MPP7: variants seen among roughly 807,000 people sequenced by gnomAD.
The protein encoded by MPP7 is MAGUK p55 subfamily member 7.
Under a neutral mutation model 76.5 loss-of-function variants are expected in MPP7, and 60 were observed. The ratio of observed to expected loss-of-function variants is 0.78; its 90% CI spans 0.64 to 0.97. The LOEUF is 0.97. MPP7 is among the 50% of genes least tolerant of loss of function. MPP7 has a pLI of 0.00. For synonymous variants in MPP7, 237 were observed against 244.5 expected, an observed-to-expected ratio of 0.97 and a Z score of 0.29; for missense variants, 641 against 694.0, an observed-to-expected ratio of 0.92 and a Z score of 0.86.
chr10:28,311,031 TC>T (rs1208775101), intron 2 of MPP7, among the ~76,000 whole-genome samples: 1 of 152,148 alleles, frequency 6.6e-6, no homozygotes, highest in Admixed American at 6.6e-5. Context: ...CACTATGGGA[TC>T]CCCAGTGGCT....
At chr10:28,178,911 A>G (rs1218230986) in intron 3 of MPP7, among the ~76,000 whole-genome samples, 1 of 152,238 alleles carries the variant, frequency 6.6e-6, no homozygotes, top group African/African-American at 2.4e-5. Flanking sequence ...AAGATTTTAA[A>G]GAGAAATGTA....
At chr10:28,217,557 G>T (rs1368222626) in intron 2 of MPP7, among the ~76,000 whole-genome samples, 1 of 147,090 alleles carries the variant, frequency 6.8e-6, no homozygotes, top group African/African-American at 2.5e-5. Flanking sequence ...GAAAAGAAAA[G>T]AAAAGAAAAA....
intron 2 of MPP7, among the ~76,000 whole-genome samples, chr10:28,318,445 C>A (rs1360351281): frequency 6.6e-6 from 1 of 152,092 alleles, no homozygotes; most frequent in East Asian, 1.9e-4. Context: ...CAACACTTTG[C>A]GAGGCCAAGG....
chr10:28,204,012 C>T (rs1837866800), intron 2 of MPP7, among the ~76,000 whole-genome samples: 1 of 152,150 alleles, frequency 6.6e-6, no homozygotes, highest in South Asian at 2.1e-4. Context: ...CATATCGTTA[C>T]AGAAAAAGCA....
rs1851444412 is a variant in MPP7, at chr10:28,053,855, A to C, written c.*210T>G. 1.7e-6 allele frequency: 1 copy of C among 579,638 alleles called. No homozygotes were observed. Among genetic ancestry groups the C allele is most frequent in the East Asian group, 2.9e-5 (1 of 34,360 alleles). 35.9% of individuals were successfully genotyped at this position (579,638 alleles called of 1,614,324 possible). ...AGGTTTGAGGTTTTGCTTAGAATAC[A>C]GTACTGTGCATATTTTGATTTCGGA... On this transcript the variant is annotated 3_prime_UTR_variant, in exon 17 of 17. Coordinates refer to ENST00000683449, the MANE Select transcript of MPP7 (RefSeq NM_001318170.2).
intron 5 of MPP7, among the ~76,000 whole-genome samples, chr10:28,146,727 A>C (rs1835722434): frequency 6.6e-6 from 1 of 152,290 alleles, no homozygotes; most frequent in South Asian, 2.1e-4. Context: ...TAATCATCAC[A>C]AGCTAAATGA....
At chr10:28,060,450 C>G (rs1422576912) in intron 13 of MPP7, among the ~76,000 whole-genome samples, 1 of 152,216 alleles carries the variant, frequency 6.6e-6, no homozygotes, top group Non-Finnish European at 1.5e-5. Context: ...ATCCTTCCTG[C>G]AGATCCCAAC....
At chr10:28,109,374 T>C (rs1055322830) in intron 11 of MPP7, among the ~76,000 whole-genome samples, 3 of 152,198 alleles carry the variant, frequency 2.0e-5, no homozygotes, top group African/African-American at 4.8e-5. Context: ...CACAATTAAC[T>C]AGGTAATTAG....
intron 1 of MPP7, among the ~76,000 whole-genome samples, chr10:28,289,970 C>T (rs1840875734): frequency 6.6e-6 from 1 of 152,148 alleles, no homozygotes. Context: ...AGGCATGTGC[C>T]ACCACGTCCA....
chr10:28,123,143 G>C (rs982803450), intron 8 of MPP7, among the ~76,000 whole-genome samples: 1 of 152,124 alleles, frequency 6.6e-6, no homozygotes, highest in African/African-American at 2.4e-5. Flanking sequence ...TATATACAGA[G>C]ATCTGTTTTT....
chr10:28,122,951 T>C (rs1834891282), intron 8 of MPP7, among the ~76,000 whole-genome samples: 1 of 151,278 alleles, frequency 6.6e-6, no homozygotes, highest in African/African-American at 2.5e-5. Flanking sequence ...ATATTACCTT[T>C]TATTGTGCAA....
intron 11 of MPP7, among the ~76,000 whole-genome samples, chr10:28,113,196 C>G (rs1834557712): frequency 2.0e-5 from 3 of 152,136 alleles, no homozygotes; most frequent in African/African-American, 7.2e-5. Context: ...TTAGAACTCC[C>G]AGAAGGAAAG....
At chr10:28,239,454 AT>A (rs35690857) in intron 1 of MPP7, among the ~76,000 whole-genome samples, 1 of 151,900 alleles carries the variant, frequency 6.6e-6, no homozygotes, top group Non-Finnish European at 1.5e-5. Context: ...GCCTAATTGT[AT>A]TTTTTTAAAT....
upstream of MPP7, among the ~76,000 whole-genome samples, chr10:28,307,101 T>G (rs559960816): frequency 1.3e-5 from 2 of 152,168 alleles, no homozygotes; most frequent in Admixed American, 1.3e-4. Flanking sequence ...GAAGACACAC[T>G]GGGCAGATTA....
At chr10:28,298,513 C>T (rs1019143901) in intron 1 of MPP7, among the ~76,000 whole-genome samples, 1 of 152,168 alleles carries the variant, frequency 6.6e-6, no homozygotes, top group Non-Finnish European at 1.5e-5. Flanking sequence ...TAAACCACGC[C>T]ATAAACAGAT....
intron 16 of MPP7, among the ~76,000 whole-genome samples, chr10:28,055,144 A>C (rs1410610258): frequency 6.6e-6 from 1 of 152,254 alleles, no homozygotes. Flanking sequence ...AACCTTTAAA[A>C]TGTCTAAATA....
intron 11 of MPP7, among the ~76,000 whole-genome samples, chr10:28,107,706 C>G (rs1363124560): frequency 6.6e-6 from 1 of 152,164 alleles, no homozygotes; most frequent in Non-Finnish European, 1.5e-5. Context: ...CTCCATGAAA[C>G]AGAAACAAGT....
rs1366433882 is a variant in MPP7 at position 28,206,019 on chromosome 10, A to G, written c.38-3748T>C. ...TGGATGACACAGCAAGAAGGCCCTC[A>G]TCAGATTCTGGTTCCTCGATCTTGG... On this transcript the variant is annotated intron_variant, in intron 2 of 16. Coordinates refer to ENST00000683449, the MANE Select transcript of MPP7 (RefSeq NM_001318170.2). Among the ~76,000 whole-genome samples, 3 of 152,152 alleles carry G rather than the reference A, an allele frequency of 2.0e-5. No individual in the cohort carries two copies. In the East Asian group the frequency reaches 5.8e-4, roughly 29 times the overall value.
At chr10:28,151,785 GC>G in intron 3 of MPP7, among the ~76,000 whole-genome samples, 1 of 152,338 alleles carries the variant, frequency 6.6e-6, no homozygotes, top group African/African-American at 2.4e-5. Flanking sequence ...TCAAGCTCAA[GC>G]CATCTGGCTC....
Sources: gnomAD v4.1 joint callset for allele counts (sites outside exome capture counted in the v4.1 genomes callset) on GRCh38, gnomAD v4.1.1 for gene constraint, MANE v1.5 for transcripts, NCBI Gene and HGNC (gene_info 2026-07-23, HGNC 2026-07-21) for gene names.